Variants in NXPH1 observed in about 807,000 individuals in gnomAD.
NXPH1 encodes neurexophilin 1, also known as neurexophilin-1.
A neutral mutation model predicts 23.7 loss-of-function variants in NXPH1; 5 were observed. The ratio of observed to expected loss-of-function variants is 0.21; its 90% CI spans 0.11 to 0.44. NXPH1 has a LOEUF of 0.44. Ranked by LOEUF, NXPH1 falls within the 20% of genes least tolerant of loss-of-function variation. The pLI is 0.99. For synonymous variants in NXPH1, 144 were observed against 122.2 expected (o/e 1.18, Z -1.18); for missense variants, 324 against 321.6 (o/e 1.01, Z -0.06).
chr7:8,554,710 G>A (rs1818328679), intron 2 of NXPH1, among the ~76,000 whole-genome samples: 1 of 151,590 alleles, frequency 6.6e-6, no homozygotes, highest in African/African-American at 2.4e-5. Context: ...GAATTCTTTG[G>A]CCTTTTAAGT....
intron 2 of NXPH1, among the ~76,000 whole-genome samples, chr7:8,449,964 G>C (rs1816476419): frequency 6.6e-6 from 1 of 152,208 alleles, no homozygotes. Flanking sequence ...CTCGTGGCAT[G>C]TGGGACACAA....
intron 2 of NXPH1, among the ~76,000 whole-genome samples, chr7:8,450,683 A>C (rs1816491892): frequency 6.6e-6 from 1 of 152,266 alleles, no homozygotes; most frequent in Admixed American, 6.5e-5. Context: ...GGGGCAAAAA[A>C]TTAAATGTTC....
chr7:8,589,719 G>A (rs1490019919), intron 2 of NXPH1, among the ~76,000 whole-genome samples: 1 of 152,050 alleles, frequency 6.6e-6, no homozygotes, highest in Non-Finnish European at 1.5e-5. Context: ...GGGCTGAACG[G>A]AAGCTATTAA....
intron 2 of NXPH1, among the ~76,000 whole-genome samples, chr7:8,738,197 T>C (rs1780295046): frequency 6.6e-6 from 1 of 152,196 alleles, no homozygotes; most frequent in Non-Finnish European, 1.5e-5. Context: ...GTTGTCATCA[T>C]TTGGAGGAGA....
At position 8,752,630 on chromosome 7, in the gene NXPH1, G is replaced by C. The variant is rs1383324351; in HGVS notation, c.*861G>C. ...CTGTCTTATCTTTACTACACATATT[G>C]TAACAAATTCAATATCCTAGTCTTC... On this transcript the variant is annotated 3_prime_UTR_variant, in exon 3 of 3. Coordinates refer to ENST00000405863, the MANE Select transcript of NXPH1 (RefSeq NM_152745.3). 1 of 152,456 alleles carries C rather than the reference G, an allele frequency of 6.6e-6. No individual in the cohort carries two copies. The highest frequency in any genetic ancestry group is 1.9e-4 in the East Asian group (1 of 5,154). The allele number at this position is 152,456 out of a possible 1,614,324, so 9.4% of individuals were successfully genotyped here.
At chr7:8,621,142 C>T (rs77212252) in intron 2 of NXPH1, among the ~76,000 whole-genome samples, 4,744 of 152,102 alleles carry the variant, frequency 0.031, 257 homozygotes, top group East Asian at 0.17. Flanking sequence ...ATGTATATAA[C>T]TAAATCTGAT....
chr7:8,646,905 GA>G (rs1820407108), intron 2 of NXPH1, among the ~76,000 whole-genome samples: 1 of 151,662 alleles, frequency 6.6e-6, no homozygotes, highest in Admixed American at 6.6e-5. Context: ...TCGGGTGCAT[GA>G]TGGGTAGGAA....
intron 2 of NXPH1, among the ~76,000 whole-genome samples, chr7:8,484,013 G>GT (rs1161718809): frequency 2.1e-5 from 3 of 140,874 alleles, no homozygotes; most frequent in Non-Finnish European, 4.5e-5. Flanking sequence ...TGTCAGAAAT[G>GT]TTTTTTATAG....
intron 2 of NXPH1, among the ~76,000 whole-genome samples, chr7:8,544,174 A>G (rs1160106236): frequency 6.6e-6 from 1 of 151,634 alleles, no homozygotes; most frequent in Non-Finnish European, 1.5e-5. Context: ...AATTTGAGTG[A>G]CTAAAAACTT....
intron 2 of NXPH1, among the ~76,000 whole-genome samples, chr7:8,492,654 G>A (rs4725097): frequency 0.47 from 71,880 of 151,778 alleles, 21,147 homozygotes; most frequent in African/African-American, 0.83. Flanking sequence ...GGAAGATGGC[G>A]CCATCATCAT....
chr7:8,636,213 C>T (rs1278723332), intron 2 of NXPH1, among the ~76,000 whole-genome samples: 4 of 152,126 alleles, frequency 2.6e-5, no homozygotes, highest in Non-Finnish European at 2.9e-5. Flanking sequence ...CAACAGCCCT[C>T]TGGGATATTT....
At chr7:8,720,666 TTAA>T (rs1237354524) in intron 2 of NXPH1, among the ~76,000 whole-genome samples, 3 of 152,186 alleles carry the variant, frequency 2.0e-5, no homozygotes, top group African/African-American at 7.2e-5. Flanking sequence ...ATAATGCAAA[TTAA>T]TTACCTGTAA....
chr7:8,714,259 T>C (rs531841720), intron 2 of NXPH1, among the ~76,000 whole-genome samples: 39 of 152,168 alleles, frequency 2.6e-4, no homozygotes, highest in African/African-American at 7.0e-4. Flanking sequence ...ACCACTGGTA[T>C]TCACTTAAGG....
chr7:8,640,770 A>G (rs1820295449), intron 2 of NXPH1, among the ~76,000 whole-genome samples: 1 of 152,150 alleles, frequency 6.6e-6, no homozygotes, highest in African/African-American at 2.4e-5. Context: ...TAGCCTGGAC[A>G]ACATAGGGAG....
rs529346118 is a variant in NXPH1, at chr7:8,652,978, G to C, written c.55-98030G>C. ...TAACACAGAAAAATATAGGGCCATT[G>C]ATCCTCCCACCTCCACCCTATTTTC... is the stretch of plus-strand genomic sequence containing the variant. On this transcript the variant is annotated intron_variant, in intron 2 of 2. Transcript: ENST00000405863. 1.7e-3 allele frequency among the ~76,000 whole-genome samples: 253 copies of C among 152,034 alleles called. 1 individual carries two copies. Among genetic ancestry groups the C allele is most frequent in the Non-Finnish European group, 2.9e-3 (200 of 67,982 alleles).
intron 2 of NXPH1, among the ~76,000 whole-genome samples, chr7:8,746,526 A>T (rs538113637): frequency 1.1e-3 from 175 of 152,294 alleles, no homozygotes; most frequent in African/African-American, 4.0e-3. Context: ...TCAATCACTT[A>T]CTTTATTTGC....
chr7:8,659,658 C>G (rs939836989), intron 2 of NXPH1, among the ~76,000 whole-genome samples: 6 of 152,138 alleles, frequency 3.9e-5, no homozygotes, highest in Non-Finnish European at 7.4e-5. Flanking sequence ...GTGCAGCATA[C>G]CAACATGGCA....
chr7:8,683,319 G>T (rs1047408187), intron 2 of NXPH1, among the ~76,000 whole-genome samples: 1 of 152,192 alleles, frequency 6.6e-6, no homozygotes, highest in Non-Finnish European at 1.5e-5. Flanking sequence ...CATTGGAGAT[G>T]ACATTTCAAT....
At chr7:8,455,676 CTGT>C (rs1816582529) in intron 2 of NXPH1, among the ~76,000 whole-genome samples, 1 of 152,132 alleles carries the variant, frequency 6.6e-6, no homozygotes, top group South Asian at 2.1e-4. Flanking sequence ...CTGTCATAGG[CTGT>C]TTGTGAAGAC....
Sources: gnomAD v4.1 joint callset for allele counts (sites outside exome capture counted in the v4.1 genomes callset) on GRCh38, gnomAD v4.1.1 for gene constraint, MANE v1.5 for transcripts, NCBI Gene and HGNC (gene_info 2026-07-23, HGNC 2026-07-21) for gene names.